Variants in KCNAB1 observed in about 807,000 individuals in gnomAD.
KCNAB1 encodes the protein potassium voltage-gated channel subfamily A regulatory beta subunit 1.
Under a neutral mutation model 64.6 loss-of-function variants are expected in KCNAB1, and 35 were observed. That is an observed-to-expected ratio of 0.54 (90% CI 0.41 to 0.72). The LOEUF (loss-of-function observed/expected upper bound fraction) is 0.72. Ranked by LOEUF, KCNAB1 falls within the 30% of genes least tolerant of loss-of-function variation. KCNAB1 has a pLI of 0.00. For synonymous variants in KCNAB1, 177 were observed against 183.8 expected, an observed-to-expected ratio of 0.96 and a Z score of 0.30; for missense variants, 401 against 512.9, an observed-to-expected ratio of 0.78 and a Z score of 2.11.
intron 1 of KCNAB1, chr3:156,143,045 G>A: frequency 7.2e-7 from 1 of 1,385,208 alleles, no homozygotes; most frequent in Non-Finnish European, 9.3e-7. Context: ...TGATAAGAGA[G>A]ATCTAAAGAA....
At chr3:156,252,786 C>T (rs559065160) in intron 1 of KCNAB1, among the ~76,000 whole-genome samples, 3 of 152,182 alleles carry the variant, frequency 2.0e-5, no homozygotes, top group African/African-American at 4.8e-5. Context: ...GGAGCTTACA[C>T]GGGGACTTAT....
Position 156,342,374 on chromosome 3 carries a change from G to C in KCNAB1, c.276-79242G>C, listed in dbSNP as rs185244118. 1.9e-4 allele frequency among the ~76,000 whole-genome samples: 29 copies of C among 152,236 alleles called. No individual in the cohort carries two copies. In the East Asian group the frequency reaches 3.7e-3, roughly 19 times the overall value. On this transcript the variant is annotated intron_variant, in intron 1 of 13. Coordinates refer to ENST00000490337, the MANE Select transcript of KCNAB1 (RefSeq NM_172160.3). ...CACCAAAGAAAGTGAATTTCTTCACGTGGGGTCTCCTTATGGACAAATCTC... is the reference window on the plus strand; with the variant it reads ...CACCAAAGAAAGTGAATTTCTTCACCTGGGGTCTCCTTATGGACAAATCTC...
chr3:156,175,619 A>AAAAAC (rs1345093126), intron 1 of KCNAB1, among the ~76,000 whole-genome samples: 1 of 152,236 alleles, frequency 6.6e-6, no homozygotes, highest in African/African-American at 2.4e-5. Context: ...CTCTGTCTCA[A>AAAAAC]AAAACAAAAC....
chr3:156,352,945 G>A (rs1560211857), intron 1 of KCNAB1, among the ~76,000 whole-genome samples: 1 of 152,224 alleles, frequency 6.6e-6, no homozygotes, highest in Non-Finnish European at 1.5e-5. Flanking sequence ...TGCAGCCTCT[G>A]GCTTCTCAGC....
chr3:156,532,779 T>C (rs554637902), intron 13 of KCNAB1, among the ~76,000 whole-genome samples: 1 of 152,342 alleles, frequency 6.6e-6, no homozygotes, highest in Non-Finnish European at 1.5e-5. Flanking sequence ...CTCCCTCTTA[T>C]GTTCATTTAT....
At chr3:156,485,923 T>TA (rs1715171579) in intron 8 of KCNAB1, among the ~76,000 whole-genome samples, 1 of 152,138 alleles carries the variant, frequency 6.6e-6, no homozygotes, top group Non-Finnish European at 1.5e-5. Context: ...CATGATTTCA[T>TA]TCTTTTTTCT....
At chr3:156,469,786 A>G (rs542305834) in intron 7 of KCNAB1, among the ~76,000 whole-genome samples, 3 of 152,336 alleles carry the variant, frequency 2.0e-5, no homozygotes, top group African/African-American at 4.8e-5. Flanking sequence ...TTACAAGAGA[A>G]CTAGCTCAAA....
intron 1 of KCNAB1, among the ~76,000 whole-genome samples, chr3:156,256,686 AT>A (rs34219510): frequency 0.13 from 20,102 of 152,024 alleles, 1,487 homozygotes; most frequent in African/African-American, 0.15. Context: ...TAGCTTAAGT[AT>A]TTTTTTTACC....
chr3:156,465,483 G>C (rs1274908589), intron 6 of KCNAB1, among the ~76,000 whole-genome samples, 160 bp from the exon 7 acceptor site: 4 of 151,388 alleles, frequency 2.6e-5, no homozygotes. Context: ...AAAGAAAAGG[G>C]GTTCAGTGTG....
chr3:156,346,877 TTC>T (rs747790130), intron 1 of KCNAB1, among the ~76,000 whole-genome samples: 6 of 152,330 alleles, frequency 3.9e-5, no homozygotes, highest in Non-Finnish European at 7.3e-5. Flanking sequence ...GCTCACTCAG[TTC>T]TGTTCTTGTC....
At chr3:156,217,114 C>T (rs1471773632) in intron 1 of KCNAB1, 1 of 152,002 alleles carries the variant, frequency 6.6e-6, no homozygotes, top group African/African-American at 2.4e-5. Flanking sequence ...CATTTTACAC[C>T]CAAGGTAATG....
intron 1 of KCNAB1, among the ~76,000 whole-genome samples, chr3:156,125,769 C>T (rs1360096039): frequency 1.3e-5 from 2 of 152,138 alleles, no homozygotes; most frequent in African/African-American, 4.8e-5. Context: ...TGAGAAAAGG[C>T]AGTTAGTTTT....
intron 2 of KCNAB1, among the ~76,000 whole-genome samples, chr3:156,435,032 G>A (rs1225251997): frequency 6.6e-6 from 1 of 152,212 alleles, no homozygotes; most frequent in African/African-American, 2.4e-5. Context: ...CAGTGCTAGT[G>A]TGGGTAACTG....
At chr3:156,199,826 A>G (rs1714208856) in intron 1 of KCNAB1, among the ~76,000 whole-genome samples, 1 of 152,206 alleles carries the variant, frequency 6.6e-6, no homozygotes, top group African/African-American at 2.4e-5. Flanking sequence ...CTGTCAATTC[A>G]TCAAACTCAT....
At chr3:156,330,701 T>A (rs1375340336) in intron 1 of KCNAB1, among the ~76,000 whole-genome samples, 1 of 152,132 alleles carries the variant, frequency 6.6e-6, no homozygotes, top group Non-Finnish European at 1.5e-5. Context: ...CTGACCCAGG[T>A]AGATGCAAAG....
intron 1 of KCNAB1, among the ~76,000 whole-genome samples, chr3:156,393,657 T>A (rs2108173580): frequency 6.6e-6 from 1 of 152,338 alleles, no homozygotes; most frequent in East Asian, 1.9e-4. Flanking sequence ...ACATACTCTG[T>A]GTTAATAAAT....
chr3:156,457,492 G>A lies in KCNAB1; in HGVS notation c.397G>A (p.Val133Ile), dbSNP rs780306897. The A allele has an allele frequency of 6.2e-6, 10 of 1,613,926 alleles. No individual in the cohort carries two copies. The South Asian group carries it at 9.9e-5, about 16-fold the overall frequency. Reference protein sequence around the residue: ...RLMTIAYESGVNLFDTAEVYA... With the variant: ...RLMTIAYESGINLFDTAEVYA... The stretch of plus-strand genomic sequence containing the variant: ...GATGACCATCGCCTATGAAAGTGGT[G>A]TTAACCTCTTTGATACTGCCGAAGT... Residue 133 changes from valine (V) to isoleucine (I), a missense_variant, in exon 4 of 14, where the codon GTT becomes ATT. Val to Ile is a conservative substitution (Grantham distance 29). Coordinates refer to ENST00000490337, the MANE Select transcript of KCNAB1 (RefSeq NM_172160.3).
intron 1 of KCNAB1, among the ~76,000 whole-genome samples, chr3:156,315,654 C>T (rs1014880075): frequency 2.6e-5 from 4 of 152,038 alleles, no homozygotes; most frequent in Non-Finnish European, 5.9e-5. Flanking sequence ...TCAACTATAG[C>T]ATAAATGAAC....
chr3:156,352,308 T>G (rs1226694404), intron 1 of KCNAB1, among the ~76,000 whole-genome samples: 1 of 152,238 alleles, frequency 6.6e-6, no homozygotes, highest in Non-Finnish European at 1.5e-5. Flanking sequence ...GGGAGGATCC[T>G]GCTATGCCTG....
Sources: allele counts gnomAD v4.1 joint callset (sites outside exome capture counted in the v4.1 genomes callset), GRCh38; gene constraint gnomAD v4.1.1; transcripts MANE v1.5; gene names NCBI Gene and HGNC (gene_info 2026-07-23, HGNC 2026-07-21).